Variants in ACSM5 observed in about 807,000 individuals in gnomAD.
ACSM5 encodes acyl-coenzyme A synthetase ACSM5, mitochondrial.
A neutral mutation model predicts 71.6 loss-of-function variants in ACSM5; 56 were observed. The observed-to-expected ratio is 0.78, with a 90% CI of 0.63 to 0.98. The LOEUF is 0.98. Among genes scored for constraint, ACSM5 ranks in the 50% least tolerant of loss-of-function variants. The pLI is 0.00. For synonymous variants in ACSM5, 285 were observed against 281.5 expected (o/e 1.01, Z -0.12); for missense variants, 723 against 726.0 (o/e 1.00, Z 0.05).
chr16:20,427,067 C>G (rs1334172322), intron 6 of ACSM5, among the ~76,000 whole-genome samples: 1 of 151,590 alleles, frequency 6.6e-6, no homozygotes, highest in African/African-American at 2.4e-5. Context: ...CTTTGGGAGG[C>G]CAAGGCGGGT....
rs563848331 is a variant in ACSM5, at chr16:20,440,633, G to A, written c.*206G>A. On this transcript the variant is annotated 3_prime_UTR_variant, in exon 14 of 14. Coordinates refer to ENST00000331849, the MANE Select transcript of ACSM5 (RefSeq NM_017888.3). ...GCCCTGATCACATAGATGCTGCGCC[G>A]CCTAGCAAATGCTTGGTGGTTCGAC... 3.7e-5 allele frequency: 19 copies of A among 514,544 alleles called. No homozygotes were observed. Among genetic ancestry groups the A allele is most frequent in the South Asian group, 3.4e-4 (13 of 38,766 alleles). 31.9% of individuals were successfully genotyped at this position (514,544 alleles called of 1,614,324 possible). A position where few individuals can be genotyped will look rare whatever the true frequency, so the allele number is the denominator to read the frequency against.
At chr16:20,432,847 C>CTTTTTT (rs56853520) in intron 10 of ACSM5, among the ~76,000 whole-genome samples, 2,609 of 57,472 alleles carry the variant, frequency 0.045, 828 homozygotes, top group African/African-American at 0.18. Context: ...CCAGATCATT[C>CTTTTTT]TTTTTTTTTT....
intron 6 of ACSM5, among the ~76,000 whole-genome samples, chr16:20,427,116 G>C (rs1221555795): frequency 6.6e-6 from 1 of 151,966 alleles, no homozygotes; most frequent in East Asian, 1.9e-4. Flanking sequence ...GCCTGGCCAG[G>C]ATGGTGAAAC....
At chr16:20,423,889 T>A in intron 5 of ACSM5, 27 bp from the exon 6 acceptor site, 2 of 1,613,286 alleles carry the variant, frequency 1.2e-6, no homozygotes, top group African/African-American at 2.7e-5. Context: ...ATTGCCAAGG[T>A]TACTGACGTT....
intron 7 of ACSM5, among the ~76,000 whole-genome samples, chr16:20,429,016 T>C (rs1391307372): frequency 2.0e-5 from 3 of 151,964 alleles, no homozygotes. Context: ...TTTTTATTTA[T>C]TTATTTATTT....
chr16:20,423,038 A>G (rs1388407521), intron 5 of ACSM5, among the ~76,000 whole-genome samples: 1 of 152,208 alleles, frequency 6.6e-6, no homozygotes, highest in African/African-American at 2.4e-5. Flanking sequence ...GGGCATTTGG[A>G]TACACATGTC....
intron 10 of ACSM5, among the ~76,000 whole-genome samples, chr16:20,436,605 A>G (rs940856272): frequency 6.6e-6 from 1 of 152,160 alleles, no homozygotes; most frequent in Non-Finnish European, 1.5e-5. Flanking sequence ...CCAGACCTCA[A>G]GTGATCCACC....
intron 7 of ACSM5, among the ~76,000 whole-genome samples, chr16:20,428,998 T>A (rs974012995): frequency 1.1e-4 from 17 of 151,854 alleles, no homozygotes; most frequent in African/African-American, 3.4e-4. Context: ...CTTTTCCTTT[T>A]TCTTTTATTT....
chr16:20,421,526 A>G, intron 5 of ACSM5, 125 bp downstream of exon 5: 1 of 892,462 alleles, frequency 1.1e-6, no homozygotes, highest in South Asian at 2.9e-5. Flanking sequence ...TGAGAAGCCA[A>G]TAGGAGCAGC....
At chr16:20,427,745 C>G (rs1471815537) in intron 6 of ACSM5, 43 bp from the exon 7 acceptor site, 2 of 1,348,928 alleles carry the variant, frequency 1.5e-6, no homozygotes, top group East Asian at 4.6e-5. Context: ...TGGTCCCACC[C>G]CAATGATTCT....
intron 10 of ACSM5, among the ~76,000 whole-genome samples, chr16:20,433,840 A>ATTTTTTTT (rs61417020): frequency 5.4e-4 from 74 of 137,200 alleles, no homozygotes; most frequent in African/African-American, 1.8e-3. Flanking sequence ...CACCTGGCTA[A>ATTTTTTTT]TTTTTTTTTT....
rs150687873 is a variant in ACSM5 at position 20,434,617 on chromosome 16, C to A, written c.1309-2435C>A. On this transcript the variant is annotated intron_variant, in intron 10 of 13. Transcript: ENST00000331849. The stretch of plus-strand genomic sequence containing the variant: ...GCTGAGACAGGAGAATTGCTTGAAC[C>A]CGGGAGGCAGAGGTTGCAGTGAGCT... Among the ~76,000 whole-genome samples the A allele has an allele frequency of 1.0e-3, 159 of 152,300 alleles. 1 individual carries two copies. The highest frequency in any genetic ancestry group is 1.7e-3 in the Non-Finnish European group (113 of 68,030).
chr16:20,413,813 T>G (rs549464921), intron 2 of ACSM5, among the ~76,000 whole-genome samples: 1 of 152,284 alleles, frequency 6.6e-6, no homozygotes, highest in South Asian at 2.1e-4. Flanking sequence ...GTTAATTGCC[T>G]GGCTGAGTGC....
chr16:20,419,289 G>C lies in ACSM5; in HGVS notation c.477G>C (p.Gln159His), dbSNP rs559741756. 2.7e-5 allele frequency: 43 copies of C among 1,614,012 alleles called. No individual in the cohort carries two copies. The highest frequency in any genetic ancestry group is 3.2e-5 in the Non-Finnish European group (38 of 1,180,040). ...AGAAGGACCTCAAGTACCGGCTGCAGGCGTCCAGGGCCAAGTCCATTATCA... is the reference window on the plus strand; with the variant it reads ...AGAAGGACCTCAAGTACCGGCTGCACGCGTCCAGGGCCAAGTCCATTATCA... ...LTEKDLKYRL[Q>H]ASRAKSIITS... Residue 159 changes from glutamine to histidine, a missense_variant, in exon 4 of 14, where the codon CAG (glutamine) becomes CAC (histidine). Gln to His is a conservative substitution (Grantham distance 24). Transcript: ENST00000331849.
chr16:20,431,886 C>A (rs12924372), intron 10 of ACSM5, among the ~76,000 whole-genome samples: 11,404 of 148,380 alleles, frequency 0.077, 584 homozygotes, highest in East Asian at 0.17. Context: ...GGGAGGTTGC[C>A]GTGAGCCAGG....
rs777425434 is a variant in ACSM5 at position 20,437,289 on chromosome 16, A to G, written c.1458A>G (p.Glu486=). 1 of 1,614,158 alleles carries G rather than the reference A, an allele frequency of 6.2e-7. No individual in the cohort carries two copies. The change falls in exon 12 of 14, where the codon GAA becomes GAG. Residue 486 remains glutamate (E), a synonymous_variant. Coordinates refer to ENST00000331849, the MANE Select transcript of ACSM5 (RefSeq NM_017888.3). ...CCAGCTACCGGATCGGGCCTGTTGA[A>G]GTGGAAAGTGCCCTGGCAGAGCATC... The part of the protein sequence containing the change: ...NSSSYRIGPV[E]VESALAEHPA...
At chr16:20,426,492 G>A (rs1019624212) in intron 6 of ACSM5, among the ~76,000 whole-genome samples, 10 of 152,120 alleles carry the variant, frequency 6.6e-5, no homozygotes, top group African/African-American at 2.4e-4. Context: ...TAACTAAAAG[G>A]TGAAAGCAAC....
intron 7 of ACSM5, among the ~76,000 whole-genome samples, chr16:20,428,418 A>G (rs1374470083): frequency 6.6e-6 from 1 of 152,200 alleles, no homozygotes; most frequent in Non-Finnish European, 1.5e-5. Flanking sequence ...GAAAGGGACA[A>G]GGCACTGATG....
chr16:20,417,649 G>A (rs1312337175), intron 2 of ACSM5, among the ~76,000 whole-genome samples: 1 of 152,136 alleles, frequency 6.6e-6, no homozygotes, highest in Non-Finnish European at 1.5e-5. Flanking sequence ...ACAACCTTGT[G>A]AACATACTAA....
Sources: allele counts gnomAD v4.1 joint callset (sites outside exome capture counted in the v4.1 genomes callset), GRCh38; gene constraint gnomAD v4.1.1; transcripts MANE v1.5; gene names NCBI Gene and HGNC (gene_info 2026-07-23, HGNC 2026-07-21).